The following DENND4B variants were observed in gnomAD, a reference collection of about 807,000 sequenced individuals.
DENND4B encodes DENN domain-containing protein 4B.
A neutral mutation model predicts 161.0 loss-of-function variants in DENND4B; 67 were observed. That is an observed-to-expected ratio of 0.42 (90% CI 0.34 to 0.51). The LOEUF (loss-of-function observed/expected upper bound fraction) is 0.51, where lower values mean the gene tolerates loss of function less well. Ranked by LOEUF, DENND4B falls within the 20% of genes least tolerant of loss-of-function variation. DENND4B has a pLI of 0.08. For synonymous variants in DENND4B, 753 were observed against 813.8 expected, an observed-to-expected ratio of 0.93 and a Z score of 1.27; for missense variants, 1,481 against 1,968.0, an observed-to-expected ratio of 0.75 and a Z score of 4.68.
At position 153,942,236 on chromosome 1, in the gene DENND4B, G is replaced by C. The variant is rs1456628455; in HGVS notation, c.761C>G (p.Pro254Arg). The C allele has an allele frequency of 1.9e-6, 3 of 1,613,802 alleles. No homozygotes were observed. The highest frequency in any genetic ancestry group is 8.5e-7 in the Non-Finnish European group (1 of 1,179,856). ...IECWPAQTKY[P>R]VPVFSTFVLT... ...CACAAAGGTGGAGAAGACGGGCACG[G>C]GGTACTTGGTCTGGGCAGGCCAGCA... Residue 254 changes from proline to arginine, a missense_variant, in exon 5 of 28, where the codon CCC (proline) becomes CGC (arginine). Coordinates refer to ENST00000361217, the MANE Select transcript of DENND4B (RefSeq NM_014856.3). The surrounding 1 kb of genome is among the most constrained non-coding windows in gnomAD (Gnocchi z 6.9).
chr1:153,938,288 A>G (rs1679465325), intron 13 of DENND4B, among the ~76,000 whole-genome samples: 3 of 152,118 alleles, frequency 2.0e-5, no homozygotes, highest in Non-Finnish European at 4.4e-5. Flanking sequence ...GCACACCTGT[A>G]ATCCCAGCTA....
chr1:153,944,140 G>T lies in DENND4B; in HGVS notation c.235C>A (p.Leu79Ile). Residue 79 changes from leucine to isoleucine, a missense_variant, in exon 2 of 28, where the codon CTC becomes ATC. Around this residue, in one of 3 missense-constraint regions of DENND4B, gnomAD observed 806 missense variants for 1,134.4 expected, o/e 0.71. Transcript: ENST00000361217. This position sits in a 1 kb window ranked among gnomAD's most constrained non-coding sequence, Gnocchi z 4.8. ...GTTCCACCCAGAAGTCCAGCACTGAGTTCCAAGGGGTGGCCCCCAGCAGAA... is the reference window on the plus strand; with the variant it reads ...GTTCCACCCAGAAGTCCAGCACTGATTTCCAAGGGGTGGCCCCCAGCAGAA... ...QASAGGHPLE[L>I]SAGLLGGTQP... The T allele has an allele frequency of 6.2e-7, 1 of 1,612,940 alleles. No individual in the cohort carries two copies. The highest frequency in any genetic ancestry group is 8.5e-7 in the Non-Finnish European group (1 of 1,179,442).
chr1:153,945,080 C>A (rs1679887519), intron 1 of DENND4B: 2 of 1,287,018 alleles, frequency 1.6e-6, no homozygotes, highest in Non-Finnish European at 1.0e-6. Context: ...CCATCCCACA[C>A]CCTCCACCAT....
At position 153,944,224 on chromosome 1, in the gene DENND4B, C is replaced by T; in HGVS notation, c.151G>A (p.Ala51Thr). The T allele has an allele frequency of 6.2e-7, 1 of 1,606,796 alleles. No individual in the cohort carries two copies. The highest frequency in any genetic ancestry group is 8.5e-7 in the Non-Finnish European group (1 of 1,176,446). Reference protein sequence around the residue: ...PRPAEPITDVAVIARALGEEV... With the variant: ...PRPAEPITDVTVIARALGEEV... ...TCGCCCAGTGCCCTAGCGATGACTG[C>T]CACATCTGTGATGGGCTCAGCTGGC... is the stretch of plus-strand genomic sequence containing the variant. The change falls in exon 2 of 28, where the codon GCA (alanine) becomes ACA (threonine). Residue 51 changes from alanine to threonine, a missense_variant. Ala to Thr is a moderately conservative substitution (Grantham distance 58). Coordinates refer to ENST00000361217, the MANE Select transcript of DENND4B (RefSeq NM_014856.3). This position sits in a 1 kb window ranked among gnomAD's most constrained non-coding sequence, Gnocchi z 4.8.
chr1:153,944,137 T>C lies in DENND4B; in HGVS notation c.238A>G (p.Ser80Gly). ...ASAGGHPLEL[S>G]AGLLGGTQPV... ...TGAGTTCCACCCAGAAGTCCAGCAC[T>C]GAGTTCCAAGGGGTGGCCCCCAGCA... The change falls in exon 2 of 28, where the codon AGT (serine) becomes GGT (glycine). Residue 80 changes from serine (S) to glycine (G), a missense_variant. Around this residue, in one of 3 missense-constraint regions of DENND4B, gnomAD observed 806 missense variants for 1,134.4 expected, o/e 0.71. Coordinates refer to ENST00000361217, the MANE Select transcript of DENND4B (RefSeq NM_014856.3). This position sits in a 1 kb window ranked among gnomAD's most constrained non-coding sequence, Gnocchi z 4.8. 1.2e-6 allele frequency: 2 copies of C among 1,612,434 alleles called. No individual in the cohort carries two copies. The highest frequency in any genetic ancestry group is 1.7e-6 in the Non-Finnish European group (2 of 1,179,198).
At chr1:153,945,187 C>T (rs1173978038) in intron 1 of DENND4B, 2 of 1,288,866 alleles carry the variant, frequency 1.6e-6, no homozygotes, top group South Asian at 1.2e-5. Flanking sequence ...TCCTGAGGCG[C>T]CCCAGGGTGC....
In DENND4B at chr1:153,942,748, C is replaced by T; in HGVS notation, c.571-123G>A. Reference sequence around the variant, plus strand: ...AAAGCTCCCATTAATCCCAGTGCCCCAAGACCAGAGTTACCCCTCTGGACT... The same window carrying T: ...AAAGCTCCCATTAATCCCAGTGCCCTAAGACCAGAGTTACCCCTCTGGACT... On this transcript the variant is annotated intron_variant, in intron 3 of 27. Coordinates refer to ENST00000361217, the MANE Select transcript of DENND4B (RefSeq NM_014856.3). The surrounding 1 kb of genome is among the most constrained non-coding windows in gnomAD (Gnocchi z 6.9). 6.8e-7 allele frequency: 1 copy of T among 1,477,672 alleles called. No individual in the cohort carries two copies. The highest frequency in any genetic ancestry group is 9.0e-7 in the Non-Finnish European group (1 of 1,111,538). The allele number at this position is 1,477,672 out of a possible 1,614,324, so 91.5% of individuals were successfully genotyped here.
In DENND4B at chr1:153,933,974, C is replaced by T; in HGVS notation, c.2942-103G>A. 6.6e-7 allele frequency: 1 copy of T among 1,515,916 alleles called. No individual in the cohort carries two copies. The highest frequency in any genetic ancestry group is 2.4e-5 in the East Asian group (1 of 41,758). The allele number at this position is 1,515,916 out of a possible 1,614,324, so 93.9% of individuals were successfully genotyped here. A position where few individuals can be genotyped will look rare whatever the true frequency, so the allele number is the denominator to read the frequency against. Reference sequence around the variant, plus strand: ...CCTGGCTGCACAAACTCTGGTGCCACCACCCCCACCATGATGATATTCTGG... The same window carrying T: ...CCTGGCTGCACAAACTCTGGTGCCATCACCCCCACCATGATGATATTCTGG... On this transcript the variant is annotated intron_variant, in intron 19 of 27. Coordinates refer to ENST00000361217, the MANE Select transcript of DENND4B (RefSeq NM_014856.3). This position sits in a 1 kb window ranked among gnomAD's most constrained non-coding sequence, Gnocchi z 5.7.
In DENND4B at chr1:153,941,434, G is replaced by T; in HGVS notation, c.1062C>A (p.Ile354=). 6.2e-7 allele frequency: 1 copy of T among 1,611,920 alleles called. No homozygotes were observed. Among genetic ancestry groups the T allele is most frequent in the Non-Finnish European group, 8.5e-7 (1 of 1,179,372 alleles). Residue 354 remains isoleucine (I), a synonymous_variant, in exon 7 of 28, where the codon ATC becomes ATA. Transcript: ENST00000361217. ...GPHRLPLEAH[I]SHFIHNVPFP... ...AGGGAACGTTGTGAATGAAGTGGGAGATGTGCCTGGGGGACAGAGAAACAG... is the reference window on the plus strand; with the variant it reads ...AGGGAACGTTGTGAATGAAGTGGGATATGTGCCTGGGGGACAGAGAAACAG...
Position 153,934,409 on chromosome 1 carries a change from C to A in DENND4B, c.2774-107G>T. The A allele has an allele frequency of 7.2e-7, 1 of 1,388,716 alleles. No individual in the cohort carries two copies. The highest frequency in any genetic ancestry group is 9.7e-7 in the Non-Finnish European group (1 of 1,030,092). 86.0% of individuals were successfully genotyped at this position (1,388,716 alleles called of 1,614,324 possible). A position where few individuals can be genotyped will look rare whatever the true frequency, so the allele number is the denominator to read the frequency against. On this transcript the variant is annotated intron_variant, in intron 18 of 27. Coordinates refer to ENST00000361217, the MANE Select transcript of DENND4B (RefSeq NM_014856.3). The surrounding 1 kb of genome is among the most constrained non-coding windows in gnomAD (Gnocchi z 5.3). Reference sequence around the variant, plus strand: ...CAGGGTTTGCAGGGTTCCTCCCAGGCAAAACTTTATCCGTTTTGTGTTTGT... The same window carrying A: ...CAGGGTTTGCAGGGTTCCTCCCAGGAAAAACTTTATCCGTTTTGTGTTTGT...
At position 153,942,849 on chromosome 1, in the gene DENND4B, A is replaced by G. The variant is rs749389850; in HGVS notation, c.570+29T>C. 3 of 1,573,796 alleles carry G rather than the reference A, an allele frequency of 1.9e-6. No individual in the cohort carries two copies. Among genetic ancestry groups the G allele is most frequent in the Non-Finnish European group, 2.6e-6 (3 of 1,155,714 alleles). ...CCACACCCACTCTTACACCAAGAGGACCAGGTGTCAGCTCTTGGCCCCACT... is the reference window on the plus strand; with the variant it reads ...CCACACCCACTCTTACACCAAGAGGGCCAGGTGTCAGCTCTTGGCCCCACT... On this transcript the variant is annotated intron_variant, in intron 3 of 27. Transcript: ENST00000361217. The surrounding 1 kb of genome is among the most constrained non-coding windows in gnomAD (Gnocchi z 6.9).
intron 6 of DENND4B, 74 bp from the exon 7 acceptor site, chr1:153,941,514 T>C (rs1202836750): frequency 3.1e-5 from 46 of 1,489,362 alleles, no homozygotes; most frequent in Non-Finnish European, 3.9e-5. Context: ...TTCTCAGCTC[T>C]TTCACTTGTT....
chr1:153,941,775 G>GGGGGGGGCC, intron 6 of DENND4B, 94 bp downstream of exon 6: 6 of 1,338,168 alleles, frequency 4.5e-6, no homozygotes, highest in East Asian at 2.6e-5. Flanking sequence ...CCTGTGCCCA[G>GGGGGGGGCC]CCCTCCCCCC....
At position 153,936,683 on chromosome 1, in the gene DENND4B, G is replaced by A. The variant is rs1368849941; in HGVS notation, c.2298C>T (p.Cys766=). The part of the protein sequence containing the change: ...SAAVPELWAR[C]LLGHCYGLWF... The stretch of plus-strand genomic sequence containing the variant: ...ACAGCCCATAGCAGTGCCCCAGCAG[G>A]CACCGGGCCCACAGCTCAGGCACAG... The change falls in exon 16 of 28, where the codon TGC becomes TGT. Residue 766 remains cysteine, a synonymous_variant. Coordinates refer to ENST00000361217, the MANE Select transcript of DENND4B (RefSeq NM_014856.3). The surrounding 1 kb of genome is among the most constrained non-coding windows in gnomAD (Gnocchi z 4.1). 1 of 1,612,588 alleles carries A rather than the reference G, an allele frequency of 6.2e-7. No individual in the cohort carries two copies. Among genetic ancestry groups the A allele is most frequent in the East Asian group, 2.2e-5 (1 of 44,866 alleles).
chr1:153,935,017 C>T, intron 17 of DENND4B, 53 bp from the exon 18 acceptor site: 1 of 1,589,392 alleles, frequency 6.3e-7, no homozygotes, highest in Non-Finnish European at 8.5e-7. Context: ...CTAACCCTGC[C>T]TCATACCCAC....
Position 153,937,477 on chromosome 1 carries a change from C to T in DENND4B, c.2232+11G>A. 1 of 1,538,142 alleles carries T rather than the reference C, an allele frequency of 6.5e-7. No homozygotes were observed. The highest frequency in any genetic ancestry group is 8.8e-7 in the Non-Finnish European group (1 of 1,140,812). ...ATCCGGGTCCCTCAGTGCGGTCCACCCACTGCTTACCTGTTTGGTACGGCG... is the reference window on the plus strand; with the variant it reads ...ATCCGGGTCCCTCAGTGCGGTCCACTCACTGCTTACCTGTTTGGTACGGCG... On this transcript the variant is annotated intron_variant, in intron 15 of 27. Transcript: ENST00000361217. The surrounding 1 kb of genome is among the most constrained non-coding windows in gnomAD (Gnocchi z 4.7).
At position 153,932,380 on chromosome 1, in the gene DENND4B, T is replaced by G; in HGVS notation, c.3820A>C (p.Lys1274Gln). 1 of 1,613,710 alleles carries G rather than the reference T, an allele frequency of 6.2e-7. No individual in the cohort carries two copies. The highest frequency in any genetic ancestry group is 8.5e-7 in the Non-Finnish European group (1 of 1,179,788). Residue 1274 changes from lysine (K) to glutamine (Q), a missense_variant, in exon 24 of 28, where the codon AAG becomes CAG. Lys to Gln is a moderately conservative substitution (Grantham distance 53, BLOSUM62 1). Around this residue, in one of 3 missense-constraint regions of DENND4B, gnomAD observed 336 missense variants for 503.3 expected, o/e 0.67. Transcript: ENST00000361217. The surrounding 1 kb of genome is among the most constrained non-coding windows in gnomAD (Gnocchi z 5.8). ...WAYLSPLVLR[K>Q]ELESLVENEG... ...TTCTCTACCAGCGACTCCAGCTCCT[T>G]ACGCAGCACCAGGGGGCTCAGGTAT...
rs1454009766 is a variant in DENND4B at position 153,940,916 on chromosome 1, C to T, written c.1314G>A (p.Glu438=). ...GGGCGGCACTCACCGAGACGAGGGC[C>T]TCACAGACGCTGGTGAGCAGGTCTG... ...LRPDLLTSVC[E]ALVSMIFPLH... The change falls in exon 9 of 28, where the codon GAG becomes GAA. Residue 438 remains glutamate, a synonymous_variant. Transcript: ENST00000361217. The surrounding 1 kb of genome is among the most constrained non-coding windows in gnomAD (Gnocchi z 5.6). The T allele has an allele frequency of 1.3e-6, 2 of 1,577,260 alleles. No individual in the cohort carries two copies. The highest frequency in any genetic ancestry group is 1.1e-5 in the South Asian group (1 of 87,252).
chr1:153,941,932 C>G lies in DENND4B; in HGVS notation c.992G>C (p.Arg331Pro). The G allele has an allele frequency of 6.2e-7, 1 of 1,612,444 alleles. No individual in the cohort carries two copies. Among genetic ancestry groups the G allele is most frequent in the Non-Finnish European group, 8.5e-7 (1 of 1,179,872 alleles). The change falls in exon 6 of 28, where the codon CGC becomes CCC. Residue 331 changes from arginine to proline, a missense_variant. Around this residue, in one of 3 missense-constraint regions of DENND4B, gnomAD observed 806 missense variants for 1,134.4 expected, o/e 0.71. Coordinates refer to ENST00000361217, the MANE Select transcript of DENND4B (RefSeq NM_014856.3). The part of the protein sequence containing the change: ...LSRWPAFPAF[R>P]AFLTFLYRYS... ...GCGGTAAAGGAAGGTGAGGAAGGCGCGGAAGGCAGGGAAGGCAGGCCAGCG... is the reference window on the plus strand; with the variant it reads ...GCGGTAAAGGAAGGTGAGGAAGGCGGGGAAGGCAGGGAAGGCAGGCCAGCG...
Sources: allele counts gnomAD v4.1 joint callset (sites outside exome capture counted in the v4.1 genomes callset), GRCh38; gene constraint gnomAD v4.1.1; regional missense constraint gnomAD v4.1.1; non-coding constraint Gnocchi (gnomAD v3.1); transcripts MANE v1.5; gene names NCBI Gene and HGNC (gene_info 2026-07-23, HGNC 2026-07-21).